Variants in LRRC4C observed in about 807,000 individuals in gnomAD.
LRRC4C encodes the protein leucine-rich repeat-containing protein 4C.
In LRRC4C, 5 loss-of-function variants were observed where a neutral mutation model predicts 33.6. The observed-to-expected ratio is 0.15, with a 90% confidence interval of 0.08 to 0.31. The LOEUF is 0.31. Among genes scored for constraint, LRRC4C ranks in the 10% least tolerant of loss-of-function variants. The pLI is 1.00. For missense variants in LRRC4C, 560 were observed against 796.7 expected, an observed-to-expected ratio of 0.70 and a Z score of 3.58; for synonymous variants, 329 against 302.0, an observed-to-expected ratio of 1.09 and a Z score of -0.93.
intron 1 of LRRC4C, among the ~76,000 whole-genome samples, chr11:40,935,340 T>C (rs551638244): frequency 6.6e-6 from 1 of 152,274 alleles, no homozygotes; most frequent in African/African-American, 2.4e-5. Context: ...TCTTGTGTCT[T>C]TATTATTGTT....
chr11:41,009,617 C>T (rs1855027793), intron 1 of LRRC4C, among the ~76,000 whole-genome samples: 1 of 152,026 alleles, frequency 6.6e-6, no homozygotes, highest in African/African-American at 2.4e-5. Flanking sequence ...CAGTCAGACC[C>T]TCAGGCATGC....
In LRRC4C at chr11:40,392,772, A is replaced by G. The variant is rs574405697; in HGVS notation, c.-269-73051T>C. The stretch of plus-strand genomic sequence containing the variant: ...AAGTGATGAAAACAATTATTTATTC[A>G]ATACCTACTATGTATCATGTTCTAA... On this transcript the variant is annotated intron_variant, in intron 3 of 6. Coordinates refer to ENST00000528697, the MANE Select transcript of LRRC4C (RefSeq NM_001258419.2). 1.3e-5 allele frequency among the ~76,000 whole-genome samples: 2 copies of G among 152,320 alleles called. 1 individual carries two copies. The highest frequency in any genetic ancestry group is 4.1e-4 in the South Asian group (2 of 4,832).
chr11:41,258,871 G>A (rs1026264483), intron 1 of LRRC4C, among the ~76,000 whole-genome samples: 2 of 151,892 alleles, frequency 1.3e-5, no homozygotes, highest in African/African-American at 4.8e-5. Flanking sequence ...GTTGTACTGG[G>A]GTGGCTGGTA....
intron 3 of LRRC4C, among the ~76,000 whole-genome samples, chr11:40,386,642 CCT>C (rs1949123081): frequency 6.6e-6 from 1 of 152,016 alleles, no homozygotes; most frequent in East Asian, 1.9e-4. Flanking sequence ...TGCCTCTATC[CCT>C]CTTTGTTTCT....
intron 3 of LRRC4C, among the ~76,000 whole-genome samples, chr11:40,519,541 C>T (rs11035885): frequency 0.38 from 58,301 of 151,950 alleles, 11,953 homozygotes; most frequent in East Asian, 0.66. Flanking sequence ...AAACTAGAAG[C>T]GAATTAGTAC....
chr11:40,880,443 T>C (rs1955109965), intron 2 of LRRC4C, among the ~76,000 whole-genome samples: 1 of 151,558 alleles, frequency 6.6e-6, no homozygotes, highest in Non-Finnish European at 1.5e-5. Flanking sequence ...TGGTTCCCTT[T>C]GGAGGAGTTT....
chr11:40,753,411 T>C (rs1052558966), intron 2 of LRRC4C, among the ~76,000 whole-genome samples: 1 of 151,284 alleles, frequency 6.6e-6, no homozygotes, highest in Non-Finnish European at 1.5e-5. Flanking sequence ...ATGTAAAATA[T>C]GAAGTACCAG....
chr11:41,261,993 A>G (rs1306492362), intron 1 of LRRC4C, among the ~76,000 whole-genome samples: 6 of 152,128 alleles, frequency 3.9e-5, no homozygotes, highest in Admixed American at 1.3e-4. Flanking sequence ...GGAGAAGTCA[A>G]TAGATAACAC....
At chr11:40,771,176 A>G (rs1264807973) in intron 2 of LRRC4C, among the ~76,000 whole-genome samples, 2 of 152,190 alleles carry the variant, frequency 1.3e-5, no homozygotes, top group East Asian at 3.9e-4. Context: ...ACATCTTCTG[A>G]AATCTAGACA....
At chr11:41,302,947 T>A (rs2958867) in intron 1 of LRRC4C, among the ~76,000 whole-genome samples, 120,783 of 152,184 alleles carry the variant, frequency 0.79, 48,538 homozygotes, top group Admixed American at 0.86. Flanking sequence ...TACCAATGAC[T>A]TTCCAAGTCA....
chr11:40,663,288 G>T (rs1026163584), intron 2 of LRRC4C, among the ~76,000 whole-genome samples: 2 of 152,114 alleles, frequency 1.3e-5, no homozygotes, highest in African/African-American at 4.8e-5. Context: ...TCGCCATGTT[G>T]TTCAAGCTGG....
chr11:41,326,845 C>T lies in LRRC4C; in HGVS notation c.-496+132586G>A, dbSNP rs142027788. On this transcript the variant is annotated intron_variant, in intron 1 of 6. Coordinates refer to ENST00000528697, the MANE Select transcript of LRRC4C (RefSeq NM_001258419.2). Reference sequence around the variant, plus strand: ...CTCTGTCCTGCACAGTTTTGCATCTCAATACCTATAACTCCCGATACTCTA... The same window carrying T: ...CTCTGTCCTGCACAGTTTTGCATCTTAATACCTATAACTCCCGATACTCTA... Among the ~76,000 whole-genome samples the T allele has an allele frequency of 4.9e-4, 75 of 152,310 alleles. 1 individual carries two copies. In the East Asian group the frequency reaches 0.012, roughly 25 times the overall value.
At chr11:40,942,523 T>C (rs1958201212) in intron 1 of LRRC4C, among the ~76,000 whole-genome samples, 1 of 152,052 alleles carries the variant, frequency 6.6e-6, no homozygotes, top group Admixed American at 6.6e-5. Flanking sequence ...CAGGACAACA[T>C]GGTGAGTGTG....
intron 2 of LRRC4C, among the ~76,000 whole-genome samples, chr11:40,825,729 A>G (rs1464708682): frequency 6.6e-6 from 1 of 151,786 alleles, no homozygotes; most frequent in Non-Finnish European, 1.5e-5. Flanking sequence ...CTTTCCTGAC[A>G]GAAGACACGA....
chr11:40,709,031 C>T (rs547459414), intron 2 of LRRC4C, among the ~76,000 whole-genome samples: 1 of 151,030 alleles, frequency 6.6e-6, no homozygotes, highest in African/African-American at 2.4e-5. Flanking sequence ...GCAACCTCTG[C>T]TTTTTTTTTG....
chr11:40,260,772 G>A (rs978255068), intron 4 of LRRC4C, among the ~76,000 whole-genome samples: 4 of 152,092 alleles, frequency 2.6e-5, no homozygotes, highest in African/African-American at 7.2e-5. Context: ...ATTTCTTTTC[G>A]TGATATACCA....
chr11:40,997,483 C>A (rs547708460), intron 1 of LRRC4C, among the ~76,000 whole-genome samples: 2 of 151,982 alleles, frequency 1.3e-5, no homozygotes, highest in African/African-American at 4.8e-5. Context: ...AGAGCTCTTC[C>A]AGAGGATTAA....
intron 6 of LRRC4C, among the ~76,000 whole-genome samples, chr11:40,138,882 G>T (rs994871767): frequency 5.3e-5 from 8 of 152,160 alleles, no homozygotes; most frequent in Non-Finnish European, 1.0e-4. Context: ...TATGAATGTG[G>T]ATTATGATAC....
At chr11:41,014,138 C>G (rs1202577299) in intron 1 of LRRC4C, among the ~76,000 whole-genome samples, 1 of 152,136 alleles carries the variant, frequency 6.6e-6, no homozygotes, top group Non-Finnish European at 1.5e-5. Context: ...TCTGGGGCCT[C>G]TTTCCTAAAG....
Sources: gnomAD v4.1 joint callset for allele counts (sites outside exome capture counted in the v4.1 genomes callset) on GRCh38, gnomAD v4.1.1 for gene constraint, MANE v1.5 for transcripts, NCBI Gene and HGNC (gene_info 2026-07-23, HGNC 2026-07-21) for gene names.